Variants in SGCD observed in about 807,000 individuals in gnomAD.
The protein encoded by SGCD is delta-sarcoglycan.
In SGCD, 18 loss-of-function variants were observed where a neutral mutation model predicts 36.6. The observed-to-expected ratio is 0.49, with a 90% CI of 0.34 to 0.73. SGCD has a LOEUF of 0.73. Among genes scored for constraint, SGCD ranks in the 30% least tolerant of loss-of-function variants. SGCD has a pLI of 0.01. For synonymous variants in SGCD, 133 were observed against 130.6 expected, an observed-to-expected ratio of 1.02 and a Z score of -0.12; for missense variants, 387 against 346.7, an observed-to-expected ratio of 1.12 and a Z score of -0.92.
intron 4 of SGCD, among the ~76,000 whole-genome samples, chr5:156,513,569 A>G (rs906522572): frequency 6.6e-6 from 1 of 152,218 alleles, no homozygotes; most frequent in African/African-American, 2.4e-5. Flanking sequence ...AGATTAGTCA[A>G]CTACTCGAAG....
chr5:156,562,816 TATA>T (rs1692806365), intron 4 of SGCD, among the ~76,000 whole-genome samples: 1 of 151,066 alleles, frequency 6.6e-6, no homozygotes, highest in African/African-American at 2.4e-5. Context: ...AATATATACA[TATA>T]ATAATTTATA....
At chr5:156,440,531 C>G (rs1379739797) in intron 3 of SGCD, among the ~76,000 whole-genome samples, 5 of 152,136 alleles carry the variant, frequency 3.3e-5, no homozygotes, top group Non-Finnish European at 7.4e-5. Flanking sequence ...TATTGAGGAA[C>G]TGCTGTACTA....
the SGCD span, among the ~76,000 whole-genome samples, chr5:155,741,098 G>T: frequency 1.3e-5 from 2 of 152,188 alleles, no homozygotes; most frequent in African/African-American, 4.8e-5. Context: ...GGGTTTAAAG[G>T]TGGGTTTAAA....
At chr5:156,228,013 T>C (rs1413081309) in intron 3 of SGCD, among the ~76,000 whole-genome samples, 2 of 152,184 alleles carry the variant, frequency 1.3e-5, no homozygotes, top group Non-Finnish European at 2.9e-5. Flanking sequence ...GAGTGCTTGA[T>C]ATAATTTCAA....
chr5:156,757,126 A>G (rs942546892), intron 7 of SGCD, among the ~76,000 whole-genome samples: 4 of 152,042 alleles, frequency 2.6e-5, no homozygotes, highest in Non-Finnish European at 5.9e-5. Context: ...CACTCCAAGC[A>G]TGTCAGACTC....
chr5:156,321,118 A>G (rs573862788), intron 3 of SGCD, among the ~76,000 whole-genome samples: 54 of 152,126 alleles, frequency 3.5e-4, no homozygotes, highest in African/African-American at 1.3e-3. Context: ...CAAATTAAAA[A>G]CAAAAACAAA....
intron 3 of SGCD, among the ~76,000 whole-genome samples, chr5:156,306,738 G>T (rs183919384): frequency 1.2e-4 from 18 of 152,304 alleles, no homozygotes; most frequent in Non-Finnish European, 2.1e-4. Context: ...TGGTTCTGGT[G>T]AAGATGCTCT....
chr5:156,761,994 T>C lies in SGCD; in HGVS notation c.*2604T>C, dbSNP rs541571525. On this transcript the variant is annotated 3_prime_UTR_variant, in exon 9 of 9. Transcript: ENST00000337851. ...TAAATTATGCATTTTGTTCAGATTT[T>C]GGAAATTGGTATGCATTATAAGTTT... The C allele has an allele frequency of 1.8e-3, 279 of 152,754 alleles. 1 individual carries two copies. Among genetic ancestry groups the C allele is most frequent in the Non-Finnish European group, 3.2e-3 (219 of 68,036 alleles). The allele number at this position is 152,754 out of a possible 1,614,324, so 9.5% of individuals were successfully genotyped here. A position where few individuals can be genotyped will look rare whatever the true frequency, so the allele number is the denominator to read the frequency against.
At chr5:155,981,405 G>A (rs1049843764) in intron 1 of SGCD, among the ~76,000 whole-genome samples, 3 of 152,170 alleles carry the variant, frequency 2.0e-5, no homozygotes, top group African/African-American at 7.2e-5. Context: ...AGCAGTATAG[G>A]CCTGAGGAAG....
chr5:156,720,758 G>C (rs1755456190), intron 7 of SGCD, among the ~76,000 whole-genome samples: 1 of 152,164 alleles, frequency 6.6e-6, no homozygotes, highest in Non-Finnish European at 1.5e-5. Flanking sequence ...GTTACCTTTT[G>C]CTCATAAAGT....
chr5:156,032,167 G>A (rs1223768197), intron 1 of SGCD, among the ~76,000 whole-genome samples: 1 of 151,388 alleles, frequency 6.6e-6, no homozygotes, highest in African/African-American at 2.4e-5. Flanking sequence ...ACAGTATCAT[G>A]AACAATTTTC....
chr5:156,012,908 C>T (rs540218149), intron 1 of SGCD, among the ~76,000 whole-genome samples: 8 of 150,210 alleles, frequency 5.3e-5, no homozygotes, highest in African/African-American at 9.7e-5. Flanking sequence ...GCCCAGCCCA[C>T]GAAAGCTTCT....
At chr5:156,521,312 A>G (rs569789570) in intron 4 of SGCD, among the ~76,000 whole-genome samples, 34 of 152,312 alleles carry the variant, frequency 2.2e-4, no homozygotes, top group African/African-American at 7.5e-4. Flanking sequence ...TTGTAATGAA[A>G]ATGCCAAAAG....
At chr5:156,224,805 T>C (rs1409614413) in intron 3 of SGCD, among the ~76,000 whole-genome samples, 1 of 152,150 alleles carries the variant, frequency 6.6e-6, no homozygotes, top group South Asian at 2.1e-4. Context: ...TCATTAAATG[T>C]AATTCATAGG....
At chr5:156,701,040 A>G (rs796153463) in intron 7 of SGCD, among the ~76,000 whole-genome samples, 8 of 151,978 alleles carry the variant, frequency 5.3e-5, no homozygotes, top group African/African-American at 1.9e-4. Context: ...CAGATTAATT[A>G]TCTCATCTGC....
At chr5:155,829,007 C>A in the SGCD span, among the ~76,000 whole-genome samples, 120 of 152,064 alleles carry the variant, frequency 7.9e-4, no homozygotes, top group South Asian at 1.7e-3. Context: ...TTATATTATT[C>A]TATTTTGTCT....
chr5:156,188,680 ACACATACACACAATCCCTCT>A (rs77271330), intron 3 of SGCD, among the ~76,000 whole-genome samples: 35,382 of 122,828 alleles, frequency 0.29, 4,651 homozygotes, highest in East Asian at 0.6. Context: ...CCCCCCCGAC[ACACATACACACAATCCCTCT>A]CTACATGCAC....
intron 3 of SGCD, among the ~76,000 whole-genome samples, chr5:156,484,166 A>T (rs1045980192): frequency 6.6e-6 from 1 of 152,236 alleles, no homozygotes; most frequent in African/African-American, 2.4e-5. Flanking sequence ...CATTGTCATT[A>T]AAGAAAAGGG....
chr5:155,810,843 A>G, the SGCD span, among the ~76,000 whole-genome samples: 1 of 81,718 alleles, frequency 1.2e-5, no homozygotes, highest in South Asian at 5.3e-4. Context: ...TTTGAGACGG[A>G]GTCTTGCTCT....
Sources: allele counts gnomAD v4.1 joint callset (sites outside exome capture counted in the v4.1 genomes callset), GRCh38; gene constraint gnomAD v4.1.1; transcripts MANE v1.5; gene names NCBI Gene and HGNC (gene_info 2026-07-23, HGNC 2026-07-21).